Variants in RPS6KC1 observed in about 807,000 individuals in gnomAD.
RPS6KC1 encodes the protein inactive ribosomal protein S6 kinase delta-1.
Under a neutral mutation model 103.8 loss-of-function variants are expected in RPS6KC1, and 54 were observed. That is an observed-to-expected ratio of 0.52 (90% CI 0.42 to 0.65). The LOEUF (loss-of-function observed/expected upper bound fraction) is 0.65. RPS6KC1 is among the 30% of genes least tolerant of loss of function. The pLI, the probability that RPS6KC1 is intolerant of heterozygous loss-of-function variation, is 0.00. For synonymous variants in RPS6KC1, 439 were observed against 438.7 expected (o/e 1.00, Z -0.01); for missense variants, 1,151 against 1,253.8 (o/e 0.92, Z 1.24).
At chr1:213,848,621 A>G in the RPS6KC1 span, among the ~76,000 whole-genome samples, 1 of 152,236 alleles carries the variant, frequency 6.6e-6, no homozygotes, top group African/African-American at 2.4e-5. Flanking sequence ...TAATTTCCCC[A>G]AGAACCTTCA....
At chr1:213,751,146 T>G in the RPS6KC1 span, among the ~76,000 whole-genome samples, 1 of 152,126 alleles carries the variant, frequency 6.6e-6, no homozygotes, top group African/African-American at 2.4e-5. Context: ...AGACAATAGA[T>G]TATCAGAGTG....
At chr1:213,639,067 T>C in the RPS6KC1 span, among the ~76,000 whole-genome samples, 1 of 152,114 alleles carries the variant, frequency 6.6e-6, no homozygotes, top group Non-Finnish European at 1.5e-5. Flanking sequence ...CTGTATATGT[T>C]TTGTAAGGCT....
At chr1:213,152,332 C>T (rs1472372149) in intron 6 of RPS6KC1, among the ~76,000 whole-genome samples, 9 of 140,934 alleles carry the variant, frequency 6.4e-5, no homozygotes, top group East Asian at 2.2e-4. Context: ...AGGGGGCTGA[C>T]CCCCCCCACC....
At chr1:213,373,391 T>C in the RPS6KC1 span, among the ~76,000 whole-genome samples, 2 of 152,232 alleles carry the variant, frequency 1.3e-5, no homozygotes, top group African/African-American at 2.4e-5. Context: ...CACGATGCAT[T>C]TGGGTTTAAT....
the RPS6KC1 span, among the ~76,000 whole-genome samples, chr1:213,689,784 T>G: frequency 0.01 from 1,584 of 152,282 alleles, 32 homozygotes; most frequent in African/African-American, 0.036. Context: ...CTGCCGCAGG[T>G]CCTAGGACTG....
intron 1 of RPS6KC1, among the ~76,000 whole-genome samples, chr1:213,054,387 G>A (rs904594791): frequency 1.3e-5 from 2 of 152,144 alleles, no homozygotes; most frequent in Admixed American, 6.5e-5. Context: ...GAGAGTCAAC[G>A]TGGAGACATA....
At chr1:213,500,981 A>G in the RPS6KC1 span, among the ~76,000 whole-genome samples, 127 of 152,326 alleles carry the variant, frequency 8.3e-4, 1 homozygote, top group East Asian at 0.014. Flanking sequence ...AAAGAAAACT[A>G]TAAAGTATTG....
At chr1:213,554,417 C>T in the RPS6KC1 span, among the ~76,000 whole-genome samples, 1 of 152,204 alleles carries the variant, frequency 6.6e-6, no homozygotes, top group African/African-American at 2.4e-5. Context: ...GTTTCAGTTA[C>T]TATAGCCTTG....
chr1:213,839,236 A>G, the RPS6KC1 span, among the ~76,000 whole-genome samples: 4 of 152,188 alleles, frequency 2.6e-5, no homozygotes, highest in East Asian at 7.7e-4. Flanking sequence ...AAAATTAATA[A>G]CAGGTACTTC....
chr1:213,241,366 A>G lies in RPS6KC1; in HGVS notation c.1890A>G (p.Lys630=). The change falls in exon 11 of 15, where the codon AAA becomes AAG. Residue 630 remains lysine (K), a synonymous_variant. Coordinates refer to ENST00000366960, the MANE Select transcript of RPS6KC1 (RefSeq NM_012424.6). ...ATAGTCTAAAATCAGAACCTTTGAA[A>G]CCATTCTTTACTCTTCCAGATGGAG... ...KLYSLKSEPL[K]PFFTLPDGDS... The G allele has an allele frequency of 6.2e-7, 1 of 1,613,826 alleles. No individual in the cohort carries two copies. Among genetic ancestry groups the G allele is most frequent in the African/African-American group, 1.3e-5 (1 of 75,004 alleles).
chr1:213,202,157 A>G (rs2093186803), intron 8 of RPS6KC1, among the ~76,000 whole-genome samples: 1 of 152,196 alleles, frequency 6.6e-6, no homozygotes, highest in Non-Finnish European at 1.5e-5. Context: ...TTCCAAAACT[A>G]TAGCTCTTTA....
At chr1:213,690,199 C>T in the RPS6KC1 span, among the ~76,000 whole-genome samples, 1 of 152,160 alleles carries the variant, frequency 6.6e-6, no homozygotes, top group African/African-American at 2.4e-5. Flanking sequence ...GCAGCAAGGT[C>T]CTCAGGGACA....
At chr1:213,649,796 G>C in the RPS6KC1 span, among the ~76,000 whole-genome samples, 1 of 152,158 alleles carries the variant, frequency 6.6e-6, no homozygotes, top group Non-Finnish European at 1.5e-5. Flanking sequence ...AGTGACTTGA[G>C]TTCAGTGAGG....
At chr1:213,552,969 G>A in the RPS6KC1 span, among the ~76,000 whole-genome samples, 1 of 151,784 alleles carries the variant, frequency 6.6e-6, no homozygotes, top group African/African-American at 2.4e-5. Flanking sequence ...GGTTTAAAGT[G>A]TAATAGCAGA....
chr1:213,385,407 G>A, the RPS6KC1 span, among the ~76,000 whole-genome samples: 1 of 152,152 alleles, frequency 6.6e-6, no homozygotes, highest in Non-Finnish European at 1.5e-5. Flanking sequence ...GGTAAAGCCA[G>A]GATTTGAACC....
chr1:213,306,918 G>C, the RPS6KC1 span, among the ~76,000 whole-genome samples: 1 of 152,110 alleles, frequency 6.6e-6, no homozygotes, highest in Non-Finnish European at 1.5e-5. Flanking sequence ...GTGGGTTAGG[G>C]AAGTAGAGGC....
At chr1:213,417,677 G>T in the RPS6KC1 span, among the ~76,000 whole-genome samples, 4 of 152,130 alleles carry the variant, frequency 2.6e-5, no homozygotes, top group African/African-American at 9.7e-5. Flanking sequence ...TGGGGGCAGG[G>T]TGGGTCAAGT....
At chr1:213,544,859 C>T in the RPS6KC1 span, among the ~76,000 whole-genome samples, 2 of 152,144 alleles carry the variant, frequency 1.3e-5, no homozygotes, top group Admixed American at 1.3e-4. Flanking sequence ...TTTCTGTCTC[C>T]AAAGAGAACA....
the RPS6KC1 span, among the ~76,000 whole-genome samples, chr1:213,811,347 C>T: frequency 6.6e-6 from 1 of 152,194 alleles, no homozygotes; most frequent in African/African-American, 2.4e-5. Context: ...TGGGCTTTTC[C>T]AGAGCACACA....
Sources: gnomAD v4.1 joint callset for allele counts (sites outside exome capture counted in the v4.1 genomes callset) on GRCh38, gnomAD v4.1.1 for gene constraint, MANE v1.5 for transcripts, NCBI Gene and HGNC (gene_info 2026-07-23, HGNC 2026-07-21) for gene names.